Variants in KCNK2 observed in about 807,000 individuals in gnomAD.
KCNK2 encodes the protein potassium two pore domain channel subfamily K member 2.
In KCNK2, 21 loss-of-function variants were observed where a neutral mutation model predicts 40.5. That is an observed-to-expected ratio of 0.52 (90% confidence interval 0.37 to 0.75). KCNK2 has a LOEUF of 0.75. KCNK2 is among the 30% of genes least tolerant of loss of function. The probability of loss-of-function intolerance (pLI) is 0.00; values close to 1 mark genes in which losing one functional copy is unlikely to be tolerated. For synonymous variants in KCNK2, 191 were observed against 202.2 expected (o/e 0.94, Z 0.47); for missense variants, 399 against 531.6 (o/e 0.75, Z 2.45).
chr1:215,139,615 C>T (rs578175786), intron 3 of KCNK2, among the ~76,000 whole-genome samples: 5 of 152,130 alleles, frequency 3.3e-5, no homozygotes, highest in African/African-American at 1.2e-4. Flanking sequence ...GAAATCCCAT[C>T]TCTACTAAAA....
intron 1 of KCNK2, among the ~76,000 whole-genome samples, chr1:215,068,759 G>C (rs756938615): frequency 2.6e-5 from 4 of 152,124 alleles, no homozygotes; most frequent in Non-Finnish European, 5.9e-5. Flanking sequence ...GAAGAAACAG[G>C]TATAACATAT....
chr1:215,109,186 T>G (rs1660572032), intron 2 of KCNK2, among the ~76,000 whole-genome samples: 1 of 152,102 alleles, frequency 6.6e-6, no homozygotes, highest in Non-Finnish European at 1.5e-5. Context: ...TAAGTGTCTA[T>G]CATTTTTGTG....
intron 1 of KCNK2, among the ~76,000 whole-genome samples, chr1:215,042,342 C>T (rs1160547241): frequency 6.6e-6 from 1 of 152,016 alleles, no homozygotes; most frequent in Non-Finnish European, 1.5e-5. Flanking sequence ...ATGTGGGTTG[C>T]CCAGACGGGG....
In KCNK2 at chr1:215,093,246, C is replaced by T. The variant is rs567705779; in HGVS notation, c.357+6568C>T. Among the ~76,000 whole-genome samples, 93 of 150,384 alleles carry T rather than the reference C, an allele frequency of 6.2e-4. 1 individual carries two copies. The highest frequency in any genetic ancestry group is 2.2e-3 in the African/African-American group (92 of 40,928). On this transcript the variant is annotated intron_variant, in intron 2 of 6. Coordinates refer to ENST00000444842, the MANE Select transcript of KCNK2 (RefSeq NM_001017425.3). The stretch of plus-strand genomic sequence containing the variant: ...GGATATTTACCTCATTTTAGGAAAC[C>T]GTATCACTCTATGCTGCCAGACCTC...
chr1:215,215,463 T>C (rs867196006), intron 6 of KCNK2, among the ~76,000 whole-genome samples: 32 of 152,300 alleles, frequency 2.1e-4, no homozygotes, highest in Admixed American at 8.5e-4. Context: ...TAAAGTGATA[T>C]CATAAGTGCT....
intron 6 of KCNK2, among the ~76,000 whole-genome samples, chr1:215,219,202 A>C (rs925080785): frequency 5.3e-5 from 8 of 152,172 alleles, no homozygotes; most frequent in Non-Finnish European, 1.2e-4. Flanking sequence ...TGTGGCTGTA[A>C]AACGTACCTG....
chr1:215,010,327 TA>T (rs1656332686), intron 1 of KCNK2, among the ~76,000 whole-genome samples: 1 of 152,240 alleles, frequency 6.6e-6, no homozygotes, highest in South Asian at 2.1e-4. Context: ...TCTTTTCATT[TA>T]AAAGCTTAAC....
exon 1 of KCNK2, chr1:215,005,933 A>G (rs1363513147): frequency 6.2e-7 from 1 of 1,613,654 alleles, no homozygotes; most frequent in African/African-American, 1.3e-5. Flanking sequence ...TGATGAACCC[A>G]CGAGCAAAAA....
In KCNK2 at chr1:215,089,239, C is replaced by T. The variant is rs374834361; in HGVS notation, c.357+2561C>T. ...ACATTAAGGATTAGATAGCATCATT[C>T]GGATGAGAGTTCAGATCTTCAGAAT... On this transcript the variant is annotated intron_variant, in intron 2 of 6. Transcript: ENST00000444842. 6.6e-5 allele frequency among the ~76,000 whole-genome samples: 10 copies of T among 152,242 alleles called. 1 individual carries two copies. Among genetic ancestry groups the T allele is most frequent in the Admixed American group, 4.6e-4 (7 of 15,296 alleles).
chr1:215,194,313 C>A (rs532969022), intron 5 of KCNK2, among the ~76,000 whole-genome samples: 1 of 151,950 alleles, frequency 6.6e-6, no homozygotes, highest in East Asian at 1.9e-4. Flanking sequence ...TTGAGAGCTA[C>A]GGTTTTATTT....
chr1:215,148,995 C>T (rs181712275), intron 3 of KCNK2, among the ~76,000 whole-genome samples: 40 of 152,164 alleles, frequency 2.6e-4, no homozygotes, highest in Non-Finnish European at 2.1e-4. Context: ...CAATGGTACA[C>T]CGGGGAGTCT....
intron 6 of KCNK2, among the ~76,000 whole-genome samples, chr1:215,212,578 A>G (rs1558142785): frequency 1.3e-5 from 2 of 152,202 alleles, no homozygotes; most frequent in Non-Finnish European, 2.9e-5. Context: ...TCTTAACATG[A>G]AATTAATTCA....
chr1:215,147,490 T>C (rs1662475920), intron 3 of KCNK2, among the ~76,000 whole-genome samples: 2 of 152,208 alleles, frequency 1.3e-5, no homozygotes, highest in Non-Finnish European at 2.9e-5. Flanking sequence ...CAGTGTTTGA[T>C]TAGGCTCTTT....
Position 215,236,183 on chromosome 1 carries a change from A to C in KCNK2, c.*1038A>C, listed in dbSNP as rs556128127. ...TGGGTGTGAATTATCATTCTGATGGAAAGAAAATAGCAAAACAATGTGTTA... is the reference window on the plus strand; with the variant it reads ...TGGGTGTGAATTATCATTCTGATGGCAAGAAAATAGCAAAACAATGTGTTA... On this transcript the variant is annotated 3_prime_UTR_variant, in exon 7 of 7. Coordinates refer to ENST00000444842, the MANE Select transcript of KCNK2 (RefSeq NM_001017425.3). The C allele has an allele frequency of 6.6e-6, 1 of 152,232 alleles. No individual in the cohort carries two copies. Among genetic ancestry groups the C allele is most frequent in the Non-Finnish European group, 1.5e-5 (1 of 68,022 alleles). 9.4% of individuals were successfully genotyped at this position (152,232 alleles called of 1,614,324 possible).
Position 215,124,722 on chromosome 1 carries a change from C to A in KCNK2, c.447C>A (p.Phe149Leu). The A allele has an allele frequency of 6.2e-7, 1 of 1,609,114 alleles. No homozygotes were observed. The highest frequency in any genetic ancestry group is 8.5e-7 in the Non-Finnish European group (1 of 1,175,618). Residue 149 changes from phenylalanine (F) to leucine (L), a missense_variant, in exon 3 of 7, where the codon TTC becomes TTA. Around this residue, in one of 3 missense-constraint regions of KCNK2, gnomAD observed 279 missense variants for 353.8 expected, o/e 0.79. Coordinates refer to ENST00000444842, the MANE Select transcript of KCNK2 (RefSeq NM_001017425.3). ...ISHWDLGSSF[F>L]FAGTVITTIG... is the part of the protein sequence containing the mutation. ...ACTGGGATTTGGGAAGTTCCTTCTT[C>A]TTTGCTGGCACTGTTATTACAACCA...
chr1:215,191,604 C>T (rs1450410182), intron 5 of KCNK2, among the ~76,000 whole-genome samples: 2 of 152,120 alleles, frequency 1.3e-5, no homozygotes, highest in African/African-American at 2.4e-5. Flanking sequence ...GAAGCTGTCA[C>T]ATGTCATATA....
chr1:215,223,991 G>A (rs1484825828), intron 6 of KCNK2, among the ~76,000 whole-genome samples: 3 of 152,126 alleles, frequency 2.0e-5, no homozygotes, highest in Non-Finnish European at 4.4e-5. Context: ...GAAAGTCAAA[G>A]TGAAACAGAT....
intron 1 of KCNK2, among the ~76,000 whole-genome samples, chr1:215,007,187 A>G (rs1209760723): frequency 0.037 from 326 of 8,734 alleles, 5 homozygotes; most frequent in African/African-American, 0.087. Context: ...GTGTGTGGGT[A>G]TATATATATA....
At chr1:215,154,237 C>T (rs944971189) in intron 3 of KCNK2, among the ~76,000 whole-genome samples, 1 of 152,152 alleles carries the variant, frequency 6.6e-6, no homozygotes, top group Non-Finnish European at 1.5e-5. Context: ...CCTATTTCTC[C>T]TTAGCCTTGT....
Sources: allele counts gnomAD v4.1 joint callset (sites outside exome capture counted in the v4.1 genomes callset), GRCh38; gene constraint gnomAD v4.1.1; regional missense constraint gnomAD v4.1.1; transcripts MANE v1.5; gene names NCBI Gene and HGNC (gene_info 2026-07-23, HGNC 2026-07-21).